The following SPC25 variants were observed in gnomAD, a reference collection of about 807,000 sequenced individuals.
SPC25 encodes the protein SPC25 component of NDC80 kinetochore complex, also known as kinetochore protein Spc25.
In SPC25, 22 loss-of-function variants were observed where a neutral mutation model predicts 29.6. The ratio of observed to expected loss-of-function variants is 0.74; its 90% confidence interval spans 0.53 to 1.06. The LOEUF is 1.06. Ranked by LOEUF, SPC25 falls within the 50% of genes least tolerant of loss-of-function variation. The probability of loss-of-function intolerance (pLI) is 0.00; values close to 1 mark genes in which losing one functional copy is unlikely to be tolerated. For missense variants in SPC25, 230 were observed against 255.8 expected (o/e 0.90, Z 0.69); for synonymous variants, 91 against 90.4 (o/e 1.01, Z -0.04).
chr2:168,889,145 A>C (rs1690346695), intron 3 of SPC25, 81 bp downstream of exon 3: 5 of 1,227,536 alleles, frequency 4.1e-6, no homozygotes, highest in Non-Finnish European at 4.6e-6. Context: ...CACAAAATAC[A>C]TTGTCTTACT....
intron 3 of SPC25, among the ~76,000 whole-genome samples, chr2:168,886,751 C>T (rs1690273285): frequency 6.6e-6 from 1 of 150,940 alleles, no homozygotes; most frequent in Non-Finnish European, 1.5e-5. Context: ...GATCTCCTGA[C>T]CTCGTGATCC....
downstream of SPC25, among the ~76,000 whole-genome samples, chr2:168,870,652 A>G (rs979247777): frequency 1.8e-4 from 28 of 151,372 alleles, no homozygotes; most frequent in Non-Finnish European, 2.9e-4. Flanking sequence ...CAAAACCACA[A>G]TGAGATACCA....
chr2:168,889,199 C>T, intron 3 of SPC25, 27 bp downstream of exon 3: 4 of 1,592,746 alleles, frequency 2.5e-6, no homozygotes, highest in Non-Finnish European at 3.4e-6. Context: ...CTAAAAAAAA[C>T]CCCATGATTT....
At position 168,889,177 on chromosome 2, in the gene SPC25, A is replaced by T. The variant is rs202071605; in HGVS notation, c.199+49T>A. The T allele has an allele frequency of 8.0e-4, 1,211 of 1,518,294 alleles. 2 individuals carry two copies. The highest frequency in any genetic ancestry group is 7.5e-4 in the Non-Finnish European group (831 of 1,107,192). 94.1% of individuals were successfully genotyped at this position (1,518,294 alleles called of 1,614,324 possible). A position where few individuals can be genotyped will look rare whatever the true frequency, so the allele number is the denominator to read the frequency against. On this transcript the variant is annotated intron_variant, in intron 3 of 6. Coordinates refer to ENST00000282074, the MANE Select transcript of SPC25 (RefSeq NM_020675.4). ...TACTTGTATGAGAGATTTCATGATA[A>T]AGATGTTTTATCTAAAAAAAACCCC... is the stretch of plus-strand genomic sequence containing the variant.
intron 3 of SPC25, among the ~76,000 whole-genome samples, chr2:168,882,801 T>C (rs568687127): frequency 1.3e-5 from 2 of 152,284 alleles, no homozygotes; most frequent in East Asian, 1.9e-4. Flanking sequence ...AGAATGCAGA[T>C]GGCTAATAAA....
downstream of SPC25, among the ~76,000 whole-genome samples, chr2:168,868,929 T>C (rs916103517): frequency 1.3e-5 from 2 of 152,166 alleles, no homozygotes; most frequent in East Asian, 1.9e-4. Context: ...ACCAATATCC[T>C]TGATGAACAT....
At chr2:168,865,143 A>AAGAT (rs1433128701) in intron 4 of SPC25, 26 of 703,286 alleles carry the variant, frequency 3.7e-5, no homozygotes, top group Middle Eastern at 3.7e-4. Flanking sequence ...AGTCAGAAAA[A>AAGAT]AGATGGATGG....
rs540300190 is a variant in SPC25 at position 168,864,722 on chromosome 2, A to C, written n.419+8863T>G. 6 of 1,253,210 alleles carry C rather than the reference A, an allele frequency of 4.8e-6. No homozygotes were observed. In the Admixed American group the frequency reaches 8.3e-5, roughly 17 times the overall value. The allele number at this position is 1,253,210 out of a possible 1,614,324, so 77.6% of individuals were successfully genotyped here. On this transcript the variant is annotated intron_variant and non_coding_transcript_variant, in intron 4 of 4. Coordinates refer to the SPC25 transcript ENST00000479309. ...GCTTCATCTGAATCAAGTGCAGAAA[A>C]TGACACTACCAAGTAAATCCTTGAA...
At chr2:168,867,691 C>T (rs1487134822), downstream of SPC25, among the ~76,000 whole-genome samples, 1 of 152,204 alleles carries the variant, frequency 6.6e-6, no homozygotes, top group African/African-American at 2.4e-5. Context: ...ACTAACTATC[C>T]TAAATATATA....
chr2:168,863,304 T>TTAAGAA (rs1287331010), intron 4 of SPC25: 13 of 656,008 alleles, frequency 2.0e-5, no homozygotes, highest in Non-Finnish European at 2.5e-5. Flanking sequence ...ATAATGTCCT[T>TTAAGAA]TAAGAATAGT....
intron 4 of SPC25, chr2:168,863,718 C>A: frequency 1.1e-6 from 1 of 907,050 alleles, no homozygotes; most frequent in Non-Finnish European, 1.3e-6. Flanking sequence ...AATGCAGAGA[C>A]ATTGTCTTGA....
chr2:168,878,400 TC>T (rs1188273254), intron 3 of SPC25, among the ~76,000 whole-genome samples: 19 of 152,180 alleles, frequency 1.2e-4, no homozygotes, highest in African/African-American at 4.6e-4. Flanking sequence ...TCCTGACTAT[TC>T]TTAACTATAA....
downstream of SPC25, among the ~76,000 whole-genome samples, chr2:168,866,091 A>T (rs1182503158): frequency 6.6e-5 from 10 of 152,300 alleles, no homozygotes; most frequent in African/African-American, 1.7e-4. Flanking sequence ...CAAGCTACCA[A>T]TGACTTTCTT....
intron 3 of SPC25, among the ~76,000 whole-genome samples, chr2:168,883,971 A>G (rs1374617350): frequency 6.6e-6 from 1 of 151,962 alleles, no homozygotes; most frequent in Non-Finnish European, 1.5e-5. Context: ...GGGTTTCACC[A>G]TGTTGGCCAG....
chr2:168,886,522 T>G (rs980740474), intron 3 of SPC25, among the ~76,000 whole-genome samples: 1 of 149,460 alleles, frequency 6.7e-6, no homozygotes, highest in Non-Finnish European at 1.5e-5. Context: ...ATAAACTGAT[T>G]TCTTTTTTTT....
chr2:168,863,917 ATT>A (rs556775882), intron 4 of SPC25, among the ~76,000 whole-genome samples: 1 of 147,720 alleles, frequency 6.8e-6, no homozygotes, highest in African/African-American at 2.5e-5. Flanking sequence ...ATCTTTTTTT[ATT>A]TTTTTTTTTG....
chr2:168,885,103 T>C (rs58146586), intron 3 of SPC25, among the ~76,000 whole-genome samples: 9,053 of 152,272 alleles, frequency 0.059, 873 homozygotes, highest in African/African-American at 0.2. Context: ...ACCTGAAGAC[T>C]TGCTGCACAA....
downstream of SPC25, among the ~76,000 whole-genome samples, chr2:168,869,442 G>A (rs1216165212): frequency 1.3e-5 from 2 of 152,162 alleles, no homozygotes; most frequent in East Asian, 1.9e-4. Flanking sequence ...TGACATGATT[G>A]TATATCTAGA....
intron 3 of SPC25, among the ~76,000 whole-genome samples, chr2:168,886,862 T>C (rs998421388): frequency 6.6e-6 from 1 of 152,214 alleles, no homozygotes; most frequent in Non-Finnish European, 1.5e-5. Flanking sequence ...ATAATGCTTT[T>C]AGATTTTAGA....
Sources: allele counts gnomAD v4.1 joint callset (sites outside exome capture counted in the v4.1 genomes callset), GRCh38; gene constraint gnomAD v4.1.1; transcripts MANE v1.5; gene names NCBI Gene and HGNC (gene_info 2026-07-23, HGNC 2026-07-21).